Variants in XPO7 observed in about 807,000 individuals in gnomAD.
XPO7 encodes exportin 7.
XPO7 carries 21 observed loss-of-function variants against 144.3 expected under a neutral mutation model. The observed-to-expected ratio is 0.15, with a 90% CI of 0.10 to 0.21. XPO7 has a LOEUF of 0.21. XPO7 is among the 10% of genes least tolerant of loss of function. The pLI is 1.00. For synonymous variants in XPO7, 580 were observed against 499.6 expected (o/e 1.16, Z -2.15); for missense variants, 808 against 1,325.8 (o/e 0.61, Z 6.06).
intron 1 of XPO7, among the ~76,000 whole-genome samples, chr8:21,927,993 G>A (rs907939093): frequency 2.6e-5 from 4 of 152,088 alleles, no homozygotes; most frequent in Admixed American, 6.5e-5. Flanking sequence ...AATTTTATTC[G>A]TACAGTAAAC....
At chr8:21,967,630 G>A (rs539936264) in intron 2 of XPO7, among the ~76,000 whole-genome samples, 4 of 152,086 alleles carry the variant, frequency 2.6e-5, no homozygotes, top group Non-Finnish European at 5.9e-5. Context: ...ACCACACCCG[G>A]CCAATAAATG....
At chr8:22,002,939 G>A (rs187652949) in intron 25 of XPO7, 10 of 246,216 alleles carry the variant, frequency 4.1e-5, no homozygotes, top group African/African-American at 1.8e-4. Context: ...TTTTGTTTAC[G>A]TGACCCCATC....
chr8:21,922,271 G>A (rs2117230414), intron 1 of XPO7, among the ~76,000 whole-genome samples: 1 of 152,180 alleles, frequency 6.6e-6, no homozygotes, highest in South Asian at 2.1e-4. Context: ...TCTCTTCTAA[G>A]GATATGTATT....
At position 21,990,326 on chromosome 8, in the gene XPO7, T is replaced by C. The variant is rs762988661; in HGVS notation, c.1869-18T>C. ...GGCCTGCTTCACACTTTCCTTGACCTTCTTCCTTTGTCTTCACGTACAGTA... is the reference window on the plus strand; with the variant it reads ...GGCCTGCTTCACACTTTCCTTGACCCTCTTCCTTTGTCTTCACGTACAGTA... On this transcript the variant is annotated intron_variant, in intron 16 of 27. Transcript: ENST00000252512. 1.2e-6 allele frequency: 2 copies of C among 1,612,768 alleles called. No homozygotes were observed. Among genetic ancestry groups the C allele is most frequent in the South Asian group, 1.1e-5 (1 of 91,054 alleles).
intron 1 of XPO7, among the ~76,000 whole-genome samples, chr8:21,920,690 CTAGA>C (rs933277958): frequency 6.6e-6 from 1 of 152,182 alleles, no homozygotes; most frequent in Non-Finnish European, 1.5e-5. Context: ...TTCTTGCAAA[CTAGA>C]TAAAGTTTTT....
At position 21,990,796 on chromosome 8, in the gene XPO7, T is replaced by C; in HGVS notation, c.1933-15T>C. The C allele has an allele frequency of 6.2e-7, 1 of 1,613,334 alleles. No homozygotes were observed. The highest frequency in any genetic ancestry group is 8.5e-7 in the Non-Finnish European group (1 of 1,179,388). ...TCATGTTTTTACCTTTAACTTCTTTTCTTTTTTTCAATAGAGCGAGCACTT... is the reference window on the plus strand; with the variant it reads ...TCATGTTTTTACCTTTAACTTCTTTCCTTTTTTTCAATAGAGCGAGCACTT... On this transcript the variant is annotated splice_polypyrimidine_tract_variant and intron_variant, in intron 17 of 27. Transcript: ENST00000252512.
chr8:21,972,367 G>T (rs1000482308), intron 5 of XPO7, among the ~76,000 whole-genome samples: 3 of 152,028 alleles, frequency 2.0e-5, no homozygotes, highest in African/African-American at 4.8e-5. Context: ...TAGTCCCAGC[G>T]ACTTGGGAGA....
At chr8:21,933,942 C>T (rs1001512878) in intron 1 of XPO7, among the ~76,000 whole-genome samples, 5 of 152,002 alleles carry the variant, frequency 3.3e-5, no homozygotes, top group Non-Finnish European at 2.9e-5. Flanking sequence ...TTAACTTTTC[C>T]AGCCATTAAA....
intron 8 of XPO7, among the ~76,000 whole-genome samples, chr8:21,979,256 G>T (rs1812324506): frequency 6.6e-6 from 1 of 151,670 alleles, no homozygotes; most frequent in Non-Finnish European, 1.5e-5. Context: ...TGTTGGTCAG[G>T]CTGGTCTCAA....
intron 1 of XPO7, among the ~76,000 whole-genome samples, chr8:21,920,410 C>T (rs1810238290): frequency 6.6e-6 from 1 of 152,044 alleles, no homozygotes; most frequent in African/African-American, 2.4e-5. Context: ...GGTGCTCAGG[C>T]CTCGGCCCGC....
chr8:21,956,931 T>C (rs927010083), intron 1 of XPO7, among the ~76,000 whole-genome samples: 2 of 152,208 alleles, frequency 1.3e-5, no homozygotes, highest in African/African-American at 4.8e-5. Context: ...CTGATAATAC[T>C]TGATTATTTG....
intron 1 of XPO7, among the ~76,000 whole-genome samples, chr8:21,958,096 G>C (rs1444314916): frequency 1.3e-5 from 2 of 152,036 alleles, no homozygotes; most frequent in Admixed American, 1.3e-4. Context: ...AATTACATAG[G>C]CTAACAAATA....
intron 18 of XPO7, chr8:21,991,631 G>C: frequency 2.6e-6 from 1 of 387,564 alleles, no homozygotes; most frequent in South Asian, 4.5e-5. Context: ...TTGATACTGT[G>C]GCTCAGCATC....
At position 22,005,332 on chromosome 8, in the gene XPO7, C is replaced by A; in HGVS notation, c.*244C>A. Reference sequence around the variant, plus strand: ...GGGTGGTGGGAGGAGATAAGAGATACAAACTGAGACTCCAGCCTCTCCTCC... The same window carrying A: ...GGGTGGTGGGAGGAGATAAGAGATAAAAACTGAGACTCCAGCCTCTCCTCC... On this transcript the variant is annotated 3_prime_UTR_variant, in exon 28 of 28. Coordinates refer to ENST00000252512, the MANE Select transcript of XPO7 (RefSeq NM_015024.5). The A allele has an allele frequency of 3.0e-6, 1 of 333,280 alleles. No individual in the cohort carries two copies. Among genetic ancestry groups the A allele is most frequent in the South Asian group, 1.2e-4 (1 of 8,078 alleles). The allele number at this position is 333,280 out of a possible 1,614,324, so 20.6% of individuals were successfully genotyped here.
At chr8:21,939,113 A>G (rs1430462553) in intron 1 of XPO7, among the ~76,000 whole-genome samples, 1 of 152,036 alleles carries the variant, frequency 6.6e-6, no homozygotes, top group Non-Finnish European at 1.5e-5. Flanking sequence ...TAGCTCTTCT[A>G]TTCTTATTTT....
In XPO7 at chr8:21,932,159, C is replaced by G. The variant is rs1325589082; in HGVS notation, c.18+12371C>G. On this transcript the variant is annotated intron_variant, in intron 1 of 27. Coordinates refer to ENST00000252512, the MANE Select transcript of XPO7 (RefSeq NM_015024.5). The stretch of plus-strand genomic sequence containing the variant: ...CTGAGATTGCAGGCGTGAGCCACCA[C>G]GCCTGGCCAGAAGCTTCTTTTAAAT... Among the ~76,000 whole-genome samples the G allele has an allele frequency of 3.3e-5, 5 of 152,336 alleles. No homozygotes were observed. In the East Asian group the frequency reaches 7.7e-4, roughly 24 times the overall value.
In XPO7 at chr8:21,994,404, T is replaced by G. The variant is rs771178179; in HGVS notation, c.2190T>G (p.Ala730=). Residue 730 remains alanine, a synonymous_variant, in exon 20 of 28, where the codon GCT becomes GCG. Transcript: ENST00000252512. ...VGLVRDLRGI[A]FAFNAKTSFM... The stretch of plus-strand genomic sequence containing the variant: ...TAGTAAGAGACCTGAGAGGGATCGC[T>G]TTCGCTTTCAATGCCAAGACCAGCT... The G allele has an allele frequency of 1.2e-6, 2 of 1,612,542 alleles. No individual in the cohort carries two copies. Among genetic ancestry groups the G allele is most frequent in the African/African-American group, 1.3e-5 (1 of 75,016 alleles).
intron 1 of XPO7, among the ~76,000 whole-genome samples, chr8:21,923,859 T>C (rs1810373037): frequency 6.6e-6 from 1 of 152,242 alleles, no homozygotes. Flanking sequence ...TAAGCTAATG[T>C]CTCTCTGTAG....
intron 1 of XPO7, among the ~76,000 whole-genome samples, chr8:21,965,656 G>C (rs1006615809): frequency 6.6e-6 from 1 of 152,160 alleles, no homozygotes; most frequent in Non-Finnish European, 1.5e-5. Flanking sequence ...TTTCCTTTCA[G>C]TTAGTGTTGG....
Sources: gnomAD v4.1 joint callset for allele counts (sites outside exome capture counted in the v4.1 genomes callset) on GRCh38, gnomAD v4.1.1 for gene constraint, MANE v1.5 for transcripts, NCBI Gene and HGNC (gene_info 2026-07-23, HGNC 2026-07-21) for gene names.